The following ERCC1 variants were observed in gnomAD, a reference collection of about 807,000 sequenced individuals.
The protein encoded by ERCC1 is ERCC excision repair 1, endonuclease non-catalytic subunit.
Under a neutral mutation model 37.6 loss-of-function variants are expected in ERCC1, and 36 were observed. The ratio of observed to expected loss-of-function variants is 0.96; its 90% confidence interval spans 0.73 to 1.26. The LOEUF (loss-of-function observed/expected upper bound fraction) is 1.26, where lower values mean the gene tolerates loss of function less well. Among genes scored for constraint, ERCC1 ranks in the 50% most tolerant of loss-of-function variants. The pLI, the probability that ERCC1 is intolerant of heterozygous loss-of-function variation, is 0.00. For synonymous variants in ERCC1, 156 were observed against 162.1 expected (o/e 0.96, Z 0.28); for missense variants, 349 against 376.5 (o/e 0.93, Z 0.60).
Position 45,409,376 on chromosome 19 carries a change from A to C in ERCC1, c.*299T>G. 6.2e-7 allele frequency: 1 copy of C among 1,614,106 alleles called. No individual in the cohort carries two copies. The highest frequency in any genetic ancestry group is 8.5e-7 in the Non-Finnish European group (1 of 1,180,016). On this transcript the variant is annotated 3_prime_UTR_variant, in exon 10 of 10. Coordinates refer to ENST00000300853, the MANE Select transcript of ERCC1 (RefSeq NM_001983.4). ...GAAGAGGAAGAAGCAGAGTCAGGAA[A>C]GCCGGATGCCAGAGACAGTGCCCCA...
At chr19:45,421,129 G>A (rs1039973459) in intron 3 of ERCC1, 49 bp downstream of exon 3, 6 of 1,522,462 alleles carry the variant, frequency 3.9e-6, no homozygotes, top group African/African-American at 1.4e-5. Context: ...CTAGAACAGC[G>A]TTTCCCACTG....
chr19:45,432,250 A>G (rs555792432), intron 1 of ERCC1, among the ~76,000 whole-genome samples: 131 of 151,684 alleles, frequency 8.6e-4, no homozygotes, highest in African/African-American at 3.1e-3. Flanking sequence ...GATTACAGGC[A>G]TGAGCCACCA....
chr19:45,418,920 G>A (rs1017667773), intron 5 of ERCC1, among the ~76,000 whole-genome samples, 178 bp downstream of exon 5: 1 of 152,092 alleles, frequency 6.6e-6, no homozygotes, highest in Non-Finnish European at 1.5e-5. Context: ...AGAGGAAATA[G>A]ACAATTTTGC....
intron 5 of ERCC1, among the ~76,000 whole-genome samples, chr19:45,417,403 G>A (rs977769432): frequency 1.3e-5 from 2 of 152,186 alleles, no homozygotes; most frequent in African/African-American, 4.8e-5. Context: ...TGGAGGAGGG[G>A]ACATTAGAGC....
At chr19:45,409,892 A>ATT (rs200386912) in intron 9 of ERCC1, 167 bp from the exon 10 acceptor site, 69 of 206,316 alleles carry the variant, frequency 3.3e-4, no homozygotes, top group East Asian at 4.7e-4. Context: ...TATTATTATT[A>ATT]TTATTTTTTT....
upstream of ERCC1, among the ~76,000 whole-genome samples, chr19:45,428,711 C>A (rs1008521065): frequency 6.6e-6 from 1 of 152,176 alleles, no homozygotes; most frequent in African/African-American, 2.4e-5. Flanking sequence ...GAACGGGGGG[C>A]GGAGAGCAGC....
At chr19:45,437,132 C>T (rs1003558956) in intron 1 of ERCC1, among the ~76,000 whole-genome samples, 5 of 152,078 alleles carry the variant, frequency 3.3e-5, no homozygotes, top group African/African-American at 1.2e-4. Context: ...GCCCGTAATC[C>T]CAGCTACTCA....
At chr19:45,442,846 C>T (rs1258743389) in intron 1 of ERCC1, among the ~76,000 whole-genome samples, 2 of 152,052 alleles carry the variant, frequency 1.3e-5, no homozygotes, top group Non-Finnish European at 2.9e-5. Context: ...CCACCAGCAG[C>T]AGGGCGTGGC....
chr19:45,423,324 T>C lies in ERCC1; in HGVS notation c.51A>G (p.Pro17=). 2 of 1,613,944 alleles carry C rather than the reference T, an allele frequency of 1.2e-6. No individual in the cohort carries two copies. The highest frequency in any genetic ancestry group is 1.7e-6 in the Non-Finnish European group (2 of 1,179,972). The change falls in exon 2 of 10, where the codon CCA becomes CCG. Residue 17 remains proline, a synonymous_variant. Transcript: ENST00000300853. ...GGGGTATCACAAATTTCTTCCTTGC[T>C]GGCGGCCCTGAGGGCTGGGGCACCC... is the stretch of plus-strand genomic sequence containing the variant. ...KEGVPQPSGP[P]ARKKFVIPLD... is the part of the protein sequence containing the mutation.
intron 6 of ERCC1, 105 bp downstream of exon 6, chr19:45,416,716 A>G: frequency 1.2e-6 from 1 of 805,222 alleles, no homozygotes; most frequent in Non-Finnish European, 2.2e-6. Context: ...TGCCTGCACC[A>G]GGCCCACACA....
At chr19:45,438,153 AC>A (rs1568598978) in intron 1 of ERCC1, among the ~76,000 whole-genome samples, 3 of 150,420 alleles carry the variant, frequency 2.0e-5, no homozygotes, top group Non-Finnish European at 4.4e-5. Flanking sequence ...CTCGTGATCC[AC>A]CCGCCTCCGT....
chr19:45,409,842 T>C (rs1568572895), intron 9 of ERCC1, 117 bp from the exon 10 acceptor site: 9 of 688,318 alleles, frequency 1.3e-5, no homozygotes, highest in South Asian at 3.1e-5. Context: ...CATTTATCCA[T>C]TGAGTTACAA....
At chr19:45,410,566 T>TGTGTGTGTGTGTGC (rs1055558097) in intron 9 of ERCC1, 6 of 36,550 alleles carry the variant, frequency 1.6e-4, no homozygotes, top group Non-Finnish European at 2.2e-4. Context: ...ATTCTTTCTT[T>TGTGTGTGTGTGTGC]GTGTGTGTGT....
In ERCC1 at chr19:45,412,987, C is replaced by T. The variant is rs148831939; in HGVS notation, c.843+690G>A. Among the ~76,000 whole-genome samples, 552 of 152,092 alleles carry T rather than the reference C, an allele frequency of 3.6e-3. 7 individuals carry two copies. The highest frequency in any genetic ancestry group is 2.9e-3 in the Non-Finnish European group (196 of 68,000). On this transcript the variant is annotated intron_variant, in intron 9 of 9. Transcript: ENST00000300853. The stretch of plus-strand genomic sequence containing the variant: ...AACTCCTGACCTCAGGTGATCCAGC[C>T]GCCTCAGCCTCTCAAAGTGCTGGGA...
intron 9 of ERCC1, 178 bp downstream of exon 9, chr19:45,413,499 C>T (rs1306443101): frequency 7.2e-7 from 1 of 1,394,920 alleles, no homozygotes; most frequent in African/African-American, 1.4e-5. Context: ...TGGTCTCCAA[C>T]TTCTGGCCTC....
intron 1 of ERCC1, among the ~76,000 whole-genome samples, chr19:45,434,162 A>C (rs1277498818): frequency 1.3e-3 from 178 of 140,042 alleles, no homozygotes; most frequent in East Asian, 6.2e-3. Flanking sequence ...ACACAAAAAA[A>C]AAAAAAAAAA....
At chr19:45,451,094 G>T (rs1404397111) in intron 1 of ERCC1, among the ~76,000 whole-genome samples, 1 of 152,006 alleles carries the variant, frequency 6.6e-6, no homozygotes, top group Non-Finnish European at 1.5e-5. Flanking sequence ...AAGCGGGGGA[G>T]AACCGGGTTC....
At chr19:45,421,817 G>C (rs1974451475) in intron 2 of ERCC1, among the ~76,000 whole-genome samples, 1 of 151,840 alleles carries the variant, frequency 6.6e-6, no homozygotes, top group East Asian at 1.9e-4. Flanking sequence ...ATTTTTAGTA[G>C]AGACAGGGTT....
At chr19:45,426,050 C>T (rs1974682666), upstream of ERCC1, among the ~76,000 whole-genome samples, 1 of 151,566 alleles carries the variant, frequency 6.6e-6, no homozygotes, top group African/African-American at 2.4e-5. Flanking sequence ...TCGAGACCAG[C>T]CTGACCAACA....
Sources: allele counts gnomAD v4.1 joint callset (sites outside exome capture counted in the v4.1 genomes callset), GRCh38; gene constraint gnomAD v4.1.1; transcripts MANE v1.5; gene names NCBI Gene and HGNC (gene_info 2026-07-23, HGNC 2026-07-21).